The following SYNJ2BP variants were observed in gnomAD, a reference collection of about 807,000 sequenced individuals.
SYNJ2BP encodes synaptojanin-2-binding protein.
Under a neutral mutation model 16.9 loss-of-function variants are expected in SYNJ2BP, and 10 were observed. The ratio of observed to expected loss-of-function variants is 0.59; its 90% CI spans 0.36 to 1.00. SYNJ2BP has a LOEUF of 1.00. SYNJ2BP is among the 50% of genes least tolerant of loss of function. The pLI, the probability that SYNJ2BP is intolerant of heterozygous loss-of-function variation, is 0.01. For synonymous variants in SYNJ2BP, 54 were observed against 68.4 expected, an observed-to-expected ratio of 0.79 and a Z score of 1.04; for missense variants, 162 against 186.7, an observed-to-expected ratio of 0.87 and a Z score of 0.77.
intron 1 of SYNJ2BP, 61 bp downstream of exon 1, chr14:70,416,839 A>G: frequency 6.2e-7 from 1 of 1,610,912 alleles, no homozygotes. Context: ...TCAGCAGCAG[A>G]GGTGTCTGCA....
chr14:70,404,620 A>C (rs932212741), intron 1 of SYNJ2BP, among the ~76,000 whole-genome samples: 3 of 152,206 alleles, frequency 2.0e-5, no homozygotes, highest in Non-Finnish European at 4.4e-5. Context: ...GTTCAAAATT[A>C]CCTTACTTCC....
At chr14:70,407,450 CA>C (rs1888372216) in intron 1 of SYNJ2BP, among the ~76,000 whole-genome samples, 1 of 150,106 alleles carries the variant, frequency 6.7e-6, no homozygotes, top group Non-Finnish European at 1.5e-5. Flanking sequence ...AAAAAAATGG[CA>C]AAAACCACAA....
intron 1 of SYNJ2BP, among the ~76,000 whole-genome samples, chr14:70,391,273 C>T (rs1262744778): frequency 2.0e-5 from 3 of 152,110 alleles, no homozygotes; most frequent in Admixed American, 6.6e-5. Context: ...CATAGCAAGA[C>T]CCTATTCTCT....
chr14:70,389,130 C>T (rs971030663), intron 1 of SYNJ2BP, among the ~76,000 whole-genome samples: 4 of 152,076 alleles, frequency 2.6e-5, no homozygotes, highest in African/African-American at 9.7e-5. Context: ...CTTCTACTCA[C>T]ATTTAGTTTT....
At chr14:70,377,211 T>C (rs528211328) in intron 2 of SYNJ2BP, among the ~76,000 whole-genome samples, 2 of 152,364 alleles carry the variant, frequency 1.3e-5, no homozygotes, top group Admixed American at 1.3e-4. Context: ...CTTGCATCCT[T>C]GCCCATCTAG....
At chr14:70,405,260 G>T (rs1888322597) in intron 1 of SYNJ2BP, among the ~76,000 whole-genome samples, 1 of 151,936 alleles carries the variant, frequency 6.6e-6, no homozygotes, top group African/African-American at 2.4e-5. Flanking sequence ...AATGTCTACG[G>T]AAAAAAATAA....
At chr14:70,386,468 G>A (rs1449013576) in intron 2 of SYNJ2BP, among the ~76,000 whole-genome samples, 1 of 152,188 alleles carries the variant, frequency 6.6e-6, no homozygotes, top group African/African-American at 2.4e-5. Flanking sequence ...GAGGACACAT[G>A]CTTAGACATT....
chr14:70,414,485 A>G (rs1888559323), intron 1 of SYNJ2BP, among the ~76,000 whole-genome samples: 1 of 152,244 alleles, frequency 6.6e-6, no homozygotes, highest in African/African-American at 2.4e-5. Context: ...TAACACTAGG[A>G]AATTTATGAC....
Position 70,367,581 on chromosome 14 carries a change from A to AG in SYNJ2BP, c.*5409_*5410insC, listed in dbSNP as rs1887419876. ...CGTCTCAAAAAAAAAAAAAAAAAAA[A>AG]AAAAAAGAAAAGAAAAGAATCTGGT... is the stretch of plus-strand genomic sequence containing the variant. On this transcript the variant is annotated 3_prime_UTR_variant, in exon 4 of 4. Transcript: ENST00000256366. 1 of 151,442 alleles carries AG rather than the reference A, an allele frequency of 6.6e-6. No individual in the cohort carries two copies. Among genetic ancestry groups the AG allele is most frequent in the South Asian group, 2.1e-4 (1 of 4,810 alleles). 9.4% of individuals were successfully genotyped at this position (151,442 alleles called of 1,614,324 possible).
chr14:70,383,162 G>C (rs34315958), intron 2 of SYNJ2BP, among the ~76,000 whole-genome samples: 2 of 152,188 alleles, frequency 1.3e-5, no homozygotes, highest in Non-Finnish European at 2.9e-5. Flanking sequence ...TAACTTATTA[G>C]ATGCTTACTC....
intron 2 of SYNJ2BP, among the ~76,000 whole-genome samples, chr14:70,384,975 C>T (rs1887828815): frequency 6.6e-6 from 1 of 152,116 alleles, no homozygotes; most frequent in Non-Finnish European, 1.5e-5. Flanking sequence ...TGGCTTTTCC[C>T]CTCTCTTCTT....
intron 1 of SYNJ2BP, among the ~76,000 whole-genome samples, chr14:70,406,097 G>A (rs954915300): frequency 6.6e-6 from 1 of 152,106 alleles, no homozygotes; most frequent in African/African-American, 2.4e-5. Context: ...CAACAGATAC[G>A]TATTAGGCTT....
intron 2 of SYNJ2BP, among the ~76,000 whole-genome samples, chr14:70,385,456 A>G (rs917482826): frequency 6.6e-6 from 1 of 152,162 alleles, no homozygotes; most frequent in African/African-American, 2.4e-5. Flanking sequence ...TCCCAGGTTC[A>G]AGCGATTCTC....
chr14:70,411,375 C>T (rs1440892039), intron 1 of SYNJ2BP, among the ~76,000 whole-genome samples: 1 of 152,190 alleles, frequency 6.6e-6, no homozygotes, highest in Non-Finnish European at 1.5e-5. Context: ...GTAAAGCCTG[C>T]TTCCTGGAGG....
chr14:70,377,155 T>C (rs542226142), intron 2 of SYNJ2BP, among the ~76,000 whole-genome samples: 8 of 152,360 alleles, frequency 5.3e-5, no homozygotes, highest in African/African-American at 1.7e-4. Context: ...TTTCATACTT[T>C]CTATTCATCT....
intron 1 of SYNJ2BP, among the ~76,000 whole-genome samples, chr14:70,400,683 T>C (rs989318531): frequency 6.6e-6 from 1 of 152,218 alleles, no homozygotes; most frequent in Admixed American, 6.5e-5. Context: ...TATATTCCCA[T>C]GCCTTCTTAT....
intron 1 of SYNJ2BP, among the ~76,000 whole-genome samples, chr14:70,409,584 AATACTGATCCTTG>A (rs1453805534): frequency 2.0e-5 from 3 of 152,202 alleles, no homozygotes; most frequent in African/African-American, 7.2e-5. Context: ...AAAAGATCTT[AATACTGATCCTTG>A]AAGCAATCTT....
In SYNJ2BP at chr14:70,373,280, G is replaced by A. The variant is rs1887557055; in HGVS notation, c.298-149C>T. The A allele has an allele frequency of 6.7e-6, 7 of 1,044,654 alleles. No individual in the cohort carries two copies. In the South Asian group the frequency reaches 1.2e-4, roughly 18 times the overall value. 64.7% of individuals were successfully genotyped at this position (1,044,654 alleles called of 1,614,324 possible). A position where few individuals can be genotyped will look rare whatever the true frequency, so the allele number is the denominator to read the frequency against. ...ACCTAGCAGAAGGAGTCCTCTCTTT[G>A]TCCTGAGCTGATGCATCAGTGTCAC... On this transcript the variant is annotated intron_variant, in intron 3 of 3. Transcript: ENST00000256366.
intron 1 of SYNJ2BP, among the ~76,000 whole-genome samples, chr14:70,391,487 TTTTGAAATGACTTCAAAACTGTGACAGC>T (rs1245809695): frequency 6.6e-6 from 1 of 151,358 alleles, no homozygotes; most frequent in Non-Finnish European, 1.5e-5. Context: ...TTATCGAAGG[TTTTGAAATGACTTCAAAACTGTGACAGC>T]TTTGAACAAG....
Sources: gnomAD v4.1 joint callset for allele counts (sites outside exome capture counted in the v4.1 genomes callset) on GRCh38, gnomAD v4.1.1 for gene constraint, MANE v1.5 for transcripts, NCBI Gene and HGNC (gene_info 2026-07-23, HGNC 2026-07-21) for gene names.